The following BHMT variants were observed in gnomAD, a reference collection of about 807,000 sequenced individuals.
BHMT encodes the protein betaine--homocysteine S-methyltransferase.
BHMT carries 38 observed loss-of-function variants against 49.5 expected under a neutral mutation model. The observed-to-expected ratio is 0.77, with a 90% confidence interval of 0.59 to 1.01. The LOEUF is 1.01. BHMT is among the 50% of genes least tolerant of loss of function. The pLI, the probability that BHMT is intolerant of heterozygous loss-of-function variation, is 0.00. For synonymous variants in BHMT, 166 were observed against 176.3 expected (o/e 0.94, Z 0.46); for missense variants, 426 against 495.7 (o/e 0.86, Z 1.34).
intron 7 of BHMT, among the ~76,000 whole-genome samples, chr5:79,130,293 A>G (rs766212389): frequency 6.6e-6 from 1 of 152,170 alleles, no homozygotes; most frequent in Non-Finnish European, 1.5e-5. Flanking sequence ...GGCTCCCTCA[A>G]TGTGCACTCA....
chr5:79,119,428 C>T (rs758665842), intron 3 of BHMT, 51 bp downstream of exon 3: 1 of 1,425,290 alleles, frequency 7.0e-7, no homozygotes, highest in East Asian at 2.3e-5. Context: ...CGACCTATTG[C>T]ATCAACAAAG....
chr5:79,111,905 A>C lies in BHMT; in HGVS notation c.20A>C (p.Lys7Thr). 1 of 1,611,108 alleles carries C rather than the reference A, an allele frequency of 6.2e-7. No homozygotes were observed. Among genetic ancestry groups the C allele is most frequent in the African/African-American group, 1.3e-5 (1 of 74,904 alleles). The change falls in exon 1 of 8, where the codon AAA (lysine) becomes ACA (threonine). Residue 7 changes from lysine (K) to threonine (T), a missense_variant. By Grantham distance (78) the Lys-to-Thr change is moderately conservative. Around this residue, in one of 3 missense-constraint regions of BHMT, gnomAD observed 321 missense variants for 355.9 expected, o/e 0.90. Transcript: ENST00000274353. Reference sequence around the variant, plus strand: ...ACGAAGATGCCACCCGTTGGGGGCAAAAAGGCCAAGAAGGTGAGTCTCCAG... The same window carrying C: ...ACGAAGATGCCACCCGTTGGGGGCACAAAGGCCAAGAAGGTGAGTCTCCAG... MPPVGG[K>T]KAKKGILERL...
intron 5 of BHMT, among the ~76,000 whole-genome samples, chr5:79,125,717 A>G (rs937476832): frequency 3.3e-5 from 5 of 151,828 alleles, no homozygotes; most frequent in Admixed American, 3.3e-4. Flanking sequence ...GGATCACTTG[A>G]GCTCAGGAGT....
Position 79,131,138 on chromosome 5 carries a change from A to C in BHMT, c.*22A>C, listed in dbSNP as rs1290792615. The C allele has an allele frequency of 6.3e-7, 1 of 1,597,006 alleles. No homozygotes were observed. The highest frequency in any genetic ancestry group is 1.3e-5 in the African/African-American group (1 of 74,360). On this transcript the variant is annotated 3_prime_UTR_variant, in exon 8 of 8. Transcript: ENST00000274353. ...GTAGCCTCGATAGAAGCTATTTTTG[A>C]TGAATTTCTAGGTGTTTGGGTCACA...
chr5:79,124,222 C>T (rs997596445), intron 5 of BHMT, among the ~76,000 whole-genome samples: 2 of 151,916 alleles, frequency 1.3e-5, no homozygotes, highest in Non-Finnish European at 2.9e-5. Context: ...AATGGTTGCA[C>T]AACATTGTGA....
At chr5:79,125,786 A>G (rs565111) in intron 5 of BHMT, among the ~76,000 whole-genome samples, 44,661 of 151,772 alleles carry the variant, frequency 0.29, 7,975 homozygotes, top group South Asian at 0.44. Context: ...CAAACAAACA[A>G]ACAAAAATTA....
intron 5 of BHMT, among the ~76,000 whole-genome samples, chr5:79,124,329 G>T (rs1398286345): frequency 6.6e-6 from 1 of 152,030 alleles, no homozygotes; most frequent in African/African-American, 2.4e-5. Flanking sequence ...TGTGAGGATC[G>T]CTTGAGGCCA....
At chr5:79,129,621 C>T (rs1216369576) in intron 7 of BHMT, among the ~76,000 whole-genome samples, 2 of 152,050 alleles carry the variant, frequency 1.3e-5, no homozygotes, top group Non-Finnish European at 2.9e-5. Context: ...AAGTTGTAAT[C>T]GCCATGTGAG....
rs1473874842 is a variant in BHMT at position 79,127,930 on chromosome 5, T to C, written c.984T>C (p.His328=). 8 of 1,614,078 alleles carry C rather than the reference T, an allele frequency of 5.0e-6. No individual in the cohort carries two copies. The highest frequency in any genetic ancestry group is 4.5e-5 in the East Asian group (2 of 44,874). ...TTTTGCCACCAGCTTCAGAAAAACATGGCAGCTGGGGAAGTGGTTTGGACA... is the reference window on the plus strand; with the variant it reads ...TTTTGCCACCAGCTTCAGAAAAACACGGCAGCTGGGGAAGTGGTTTGGACA... ...RGFLPPASEK[H]GSWGSGLDMH... The change falls in exon 7 of 8, where the codon CAT becomes CAC. Residue 328 remains histidine, a synonymous_variant. Transcript: ENST00000274353.
intron 4 of BHMT, 26 bp from the exon 5 acceptor site, chr5:79,121,192 A>G (rs1406049309): frequency 6.3e-7 from 1 of 1,599,084 alleles, no homozygotes; most frequent in South Asian, 1.1e-5. Flanking sequence ...CGAGATTAAA[A>G]GTACTCTAAC....
At chr5:79,126,000 G>A in intron 5 of BHMT, 46 bp from the exon 6 acceptor site, 2 of 1,550,736 alleles carry the variant, frequency 1.3e-6, no homozygotes, top group Non-Finnish European at 1.8e-6. Context: ...TGGCCCTGCT[G>A]GTTTCTGGTG....
intron 6 of BHMT, among the ~76,000 whole-genome samples, chr5:79,126,665 C>A (rs1004834409): frequency 6.6e-6 from 1 of 152,092 alleles, no homozygotes; most frequent in African/African-American, 2.4e-5. Flanking sequence ...TCTCTAAGGT[C>A]CTTTTCTCCA....
chr5:79,115,896 G>C lies in BHMT; in HGVS notation c.163G>C (p.Ala55Pro). 6.2e-7 allele frequency: 1 copy of C among 1,612,922 alleles called. No homozygotes were observed. The highest frequency in any genetic ancestry group is 8.5e-7 in the Non-Finnish European group (1 of 1,179,534). The change falls in exon 2 of 8, where the codon GCA becomes CCA. Residue 55 changes from alanine (A) to proline (P), a missense_variant. By Grantham distance (27) the Ala-to-Pro change is conservative (BLOSUM62 -1). Around this residue, in one of 3 missense-constraint regions of BHMT, gnomAD observed 321 missense variants for 355.9 expected, o/e 0.90. Coordinates refer to ENST00000274353, the MANE Select transcript of BHMT (RefSeq NM_001713.3). The stretch of plus-strand genomic sequence containing the variant: ...TGAAGCTGCTGTGGAGCACCCAGAA[G>C]CAGGTTGGTGCAGAGCTCTATTGTA... ...TPEAAVEHPE[A>P]VRQLHREFLR...
At chr5:79,125,917 T>C in intron 5 of BHMT, 129 bp from the exon 6 acceptor site, 6 of 934,924 alleles carry the variant, frequency 6.4e-6, no homozygotes, top group Non-Finnish European at 8.0e-6. Flanking sequence ...CACTCCAGCC[T>C]GGGCAACAGA....
rs147271562 is a variant in BHMT, at chr5:79,129,078, G to A, written c.1037+1095G>A. On this transcript the variant is annotated intron_variant, in intron 7 of 7. Coordinates refer to ENST00000274353, the MANE Select transcript of BHMT (RefSeq NM_001713.3). ...TATAGAGAACTAGGAAGCGGGTGGA[G>A]GACAGGTGCTCCAAGGAGAGGTAGC... 6.0e-3 allele frequency among the ~76,000 whole-genome samples: 921 copies of A among 152,298 alleles called. 6 individuals are homozygous for A. Among genetic ancestry groups the A allele is most frequent in the African/African-American group, 0.02 (836 of 41,568 alleles).
chr5:79,115,952 T>C, intron 2 of BHMT, 53 bp downstream of exon 2: 1 of 1,533,256 alleles, frequency 6.5e-7, no homozygotes, highest in East Asian at 2.4e-5. Context: ...GTGTGGAGGC[T>C]CATGCCTGTA....
At chr5:79,119,563 G>A (rs1020469039) in intron 3 of BHMT, 186 bp downstream of exon 3, 1 of 473,080 alleles carries the variant, frequency 2.1e-6, no homozygotes, top group Admixed American at 3.9e-5. Flanking sequence ...TAACAAAGAG[G>A]CATTTAGCGA....
intron 7 of BHMT, among the ~76,000 whole-genome samples, chr5:79,129,705 A>C (rs1756607500): frequency 6.6e-6 from 1 of 152,152 alleles, no homozygotes; most frequent in African/African-American, 2.4e-5. Context: ...AGAAGGGCAG[A>C]AGTGGAGCCT....
chr5:79,127,208 T>TA (rs1756566362), intron 6 of BHMT, among the ~76,000 whole-genome samples: 1 of 152,174 alleles, frequency 6.6e-6, no homozygotes, highest in Non-Finnish European at 1.5e-5. Context: ...CCTGAAGGCC[T>TA]GTTGGGAGCT....
Sources: allele counts gnomAD v4.1 joint callset (sites outside exome capture counted in the v4.1 genomes callset), GRCh38; gene constraint gnomAD v4.1.1; regional missense constraint gnomAD v4.1.1; transcripts MANE v1.5; gene names NCBI Gene and HGNC (gene_info 2026-07-23, HGNC 2026-07-21).